Variants in ECE1 observed in about 807,000 individuals in gnomAD.
ECE1 encodes endothelin converting enzyme 1, also known as endothelin-converting enzyme 1.
Under a neutral mutation model 98.6 loss-of-function variants are expected in ECE1, and 35 were observed. The ratio of observed to expected loss-of-function variants is 0.35; its 90% CI spans 0.27 to 0.47. The LOEUF (loss-of-function observed/expected upper bound fraction) is 0.47. Among genes scored for constraint, ECE1 ranks in the 20% least tolerant of loss-of-function variants. The probability of loss-of-function intolerance (pLI) is 1.00; values close to 1 mark genes in which losing one functional copy is unlikely to be tolerated. For synonymous variants in ECE1, 394 were observed against 407.1 expected (o/e 0.97, Z 0.39); for missense variants, 814 against 1,025.3 (o/e 0.79, Z 2.81).
chr1:21,264,818 C>A (rs2103305772), intron 4 of ECE1, among the ~76,000 whole-genome samples: 1 of 152,290 alleles, frequency 6.6e-6, no homozygotes, highest in South Asian at 2.1e-4. Context: ...CTGAGAAATG[C>A]CACCCTGGGT....
chr1:21,323,425 A>G (rs2745247), intron 1 of ECE1, among the ~76,000 whole-genome samples: 6,758 of 152,124 alleles, frequency 0.044, 498 homozygotes, highest in African/African-American at 0.15. Flanking sequence ...ACGTGTTAGC[A>G]CTGTTCTCGA....
intron 1 of ECE1, among the ~76,000 whole-genome samples, chr1:21,324,551 GT>G (rs1229790345): frequency 1.3e-5 from 2 of 152,222 alleles, no homozygotes; most frequent in Admixed American, 6.5e-5. Flanking sequence ...TGAGGAACAA[GT>G]TTGGAGAGGA....
At chr1:21,273,038 T>A in intron 3 of ECE1, 127 bp from the exon 4 acceptor site, 1 of 985,032 alleles carries the variant, frequency 1.0e-6, no homozygotes, top group Non-Finnish European at 1.6e-6. Flanking sequence ...GATTTGGAAC[T>A]GGACGGTCAC....
In ECE1 at chr1:21,258,597, A is replaced by AC; in HGVS notation, c.762+95_762+96insG. 10 of 611,750 alleles carry AC rather than the reference A, an allele frequency of 1.6e-5. No individual in the cohort carries two copies. The highest frequency in any genetic ancestry group is 2.7e-5 in the Non-Finnish European group (9 of 335,558). The allele number at this position is 611,750 out of a possible 1,614,324, so 37.9% of individuals were successfully genotyped here. Reference sequence around the variant, plus strand: ...AAACTAGAAGACCGCCGTCCCACCCAGGGCAAGCCCCTCTCCCACCCCAGG... The same window carrying AC: ...AAACTAGAAGACCGCCGTCCCACCCACGGGCAAGCCCCTCTCCCACCCCAGG... On this transcript the variant is annotated intron_variant, in intron 6 of 18. Coordinates refer to ENST00000374893, the MANE Select transcript of ECE1 (RefSeq NM_001397.3). This position sits in a 1 kb window ranked among gnomAD's most constrained non-coding sequence, Gnocchi z 4.2.
At chr1:21,283,124 G>A (rs559928503) in intron 2 of ECE1, among the ~76,000 whole-genome samples, 1 of 151,716 alleles carries the variant, frequency 6.6e-6, no homozygotes, top group South Asian at 2.1e-4. Flanking sequence ...TGTATTTTTA[G>A]TAGAGATGGG....
At chr1:21,294,967 G>T (rs2103369254), upstream of ECE1, among the ~76,000 whole-genome samples, 1 of 152,276 alleles carries the variant, frequency 6.6e-6, no homozygotes, top group South Asian at 2.1e-4. This position sits in a 1 kb window ranked among gnomAD's most constrained non-coding sequence, Gnocchi z 4.2. Context: ...ATCTTTACAT[G>T]TCATCTAAAA....
Position 21,345,108 on chromosome 1 carries a change from C to A in ECE1, c.3+268G>T. 1 of 255,144 alleles carries A rather than the reference C, an allele frequency of 3.9e-6. No homozygotes were observed. The highest frequency in any genetic ancestry group is 7.1e-6 in the Non-Finnish European group (1 of 141,292). 15.8% of individuals were successfully genotyped at this position (255,144 alleles called of 1,614,324 possible). ...AACCGTCCCCAAAGCGAACCGGGGA[C>A]CCCGAGCCCCCCACATCCGGCTGGG... On this transcript the variant is annotated intron_variant, in intron 1 of 18. Transcript: ENST00000415912. The surrounding 1 kb of genome is among the most constrained non-coding windows in gnomAD (Gnocchi z 5.1).
intron 1 of ECE1, among the ~76,000 whole-genome samples, chr1:21,338,165 T>G (rs539854064): frequency 2.6e-4 from 40 of 151,920 alleles, no homozygotes; most frequent in African/African-American, 9.7e-4. Context: ...CAGCTGGGGG[T>G]GTGTGTGGTA....
chr1:21,308,653 ACCT>A (rs1638649342), intron 1 of ECE1, among the ~76,000 whole-genome samples: 1 of 151,936 alleles, frequency 6.6e-6, no homozygotes, highest in Non-Finnish European at 1.5e-5. Context: ...CTGAGCCTCA[ACCT>A]CCTCATTTGT....
intron 8 of ECE1, among the ~76,000 whole-genome samples, chr1:21,247,841 C>T (rs1028916472): frequency 8.5e-5 from 13 of 152,276 alleles, no homozygotes; most frequent in Non-Finnish European, 1.8e-4. Flanking sequence ...AGCTGTGTAA[C>T]CCTGGGTAAG....
At chr1:21,250,660 T>C (rs951399203) in intron 8 of ECE1, among the ~76,000 whole-genome samples, 3 of 152,158 alleles carry the variant, frequency 2.0e-5, no homozygotes, top group African/African-American at 7.2e-5. Context: ...CTATAGCCTG[T>C]TGGTATATAC....
Position 21,322,936 on chromosome 1 carries a change from G to A in ECE1, c.3+22440C>T, listed in dbSNP as rs893924993. 6.6e-6 allele frequency among the ~76,000 whole-genome samples: 1 copy of A among 152,082 alleles called. No individual in the cohort carries two copies. The highest frequency in any genetic ancestry group is 1.5e-5 in the Non-Finnish European group (1 of 68,022). Reference sequence around the variant, plus strand: ...GCAGGTCCCAGGGCTCAGGGGTTGGGGTCATTTCCAAAAACAAGGCTGCTT... The same window carrying A: ...GCAGGTCCCAGGGCTCAGGGGTTGGAGTCATTTCCAAAAACAAGGCTGCTT... On this transcript the variant is annotated intron_variant, in intron 1 of 18. Coordinates refer to the ECE1 transcript ENST00000415912. This position sits in a 1 kb window ranked among gnomAD's most constrained non-coding sequence, Gnocchi z 4.1.
chr1:21,250,177 G>C (rs1453943326), intron 8 of ECE1, among the ~76,000 whole-genome samples: 1 of 152,060 alleles, frequency 6.6e-6, no homozygotes, highest in African/African-American at 2.4e-5. Context: ...TCTACTTTCT[G>C]TCTCTATGAA....
chr1:21,290,212 G>T lies in ECE1; in HGVS notation c.52-56C>A. The T allele has an allele frequency of 6.8e-7, 1 of 1,464,558 alleles. No individual in the cohort carries two copies. The highest frequency in any genetic ancestry group is 9.1e-7 in the Non-Finnish European group (1 of 1,104,904). The allele number at this position is 1,464,558 out of a possible 1,614,324, so 90.7% of individuals were successfully genotyped here. On this transcript the variant is annotated intron_variant, in intron 1 of 18. Coordinates refer to ENST00000374893, the MANE Select transcript of ECE1 (RefSeq NM_001397.3). This position sits in a 1 kb window ranked among gnomAD's most constrained non-coding sequence, Gnocchi z 7.3. The stretch of plus-strand genomic sequence containing the variant: ...CAGCGCCTCCATGGCTCTCGCGCCC[G>T]AATGGGGAAGCGGCCCCGACCCTGG...
intron 3 of ECE1, 85 bp from the exon 4 acceptor site, chr1:21,272,996 G>A (rs1405909360): frequency 2.7e-6 from 4 of 1,472,066 alleles, no homozygotes; most frequent in Non-Finnish European, 3.8e-6. Context: ...GGGCCCAGGG[G>A]CCACATGTCC....
chr1:21,259,810 G>C (rs2098224445), intron 5 of ECE1, among the ~76,000 whole-genome samples: 1 of 152,166 alleles, frequency 6.6e-6, no homozygotes, highest in East Asian at 1.9e-4. Context: ...GCAGGTATAG[G>C]AGAGTGGCCT....
chr1:21,306,338 T>G (rs573851717), intron 1 of ECE1, among the ~76,000 whole-genome samples: 202 of 152,016 alleles, frequency 1.3e-3, no homozygotes, highest in African/African-American at 4.5e-3. Flanking sequence ...TTTTTGTTTT[T>G]TTTTTTTTCA....
chr1:21,328,498 A>C (rs1239734653), intron 1 of ECE1, among the ~76,000 whole-genome samples: 1 of 152,224 alleles, frequency 6.6e-6, no homozygotes. Flanking sequence ...GCAGTGGCTC[A>C]CGCCTGTAAT....
intron 1 of ECE1, among the ~76,000 whole-genome samples, chr1:21,343,274 A>G (rs1024705553): frequency 1.7e-4 from 26 of 152,162 alleles, no homozygotes; most frequent in Admixed American, 1.5e-3. Context: ...CCTCCCTCAC[A>G]TGGGGTTTGG....
Sources: allele counts gnomAD v4.1 joint callset (sites outside exome capture counted in the v4.1 genomes callset), GRCh38; gene constraint gnomAD v4.1.1; non-coding constraint Gnocchi (gnomAD v3.1); transcripts MANE v1.5; gene names NCBI Gene and HGNC (gene_info 2026-07-23, HGNC 2026-07-21).